The following GPC6 variants were observed in gnomAD, a reference collection of about 807,000 sequenced individuals.
GPC6 encodes the protein glypican 6.
GPC6 carries 14 observed loss-of-function variants against 55.2 expected under a neutral mutation model. The ratio of observed to expected loss-of-function variants is 0.25; its 90% CI spans 0.17 to 0.40. The LOEUF (loss-of-function observed/expected upper bound fraction) is 0.40, where lower values mean the gene tolerates loss of function less well. Ranked by LOEUF, GPC6 falls within the 10% of genes least tolerant of loss-of-function variation. The probability of loss-of-function intolerance (pLI) is 1.00; values close to 1 mark genes in which losing one functional copy is unlikely to be tolerated. For synonymous variants in GPC6, 278 were observed against 259.6 expected (o/e 1.07, Z -0.68); for missense variants, 641 against 708.5 (o/e 0.90, Z 1.08).
intron 6 of GPC6, among the ~76,000 whole-genome samples, chr13:94,315,970 C>CTTTA (rs958478798): frequency 2.1e-5 from 3 of 139,638 alleles, no homozygotes; most frequent in Admixed American, 7.0e-5. Flanking sequence ...CATCAGCCAT[C>CTTTA]TTTAGTGTTA....
intron 4 of GPC6, among the ~76,000 whole-genome samples, chr13:94,189,425 A>C (rs1175516172): frequency 6.6e-6 from 1 of 152,120 alleles, no homozygotes; most frequent in South Asian, 2.1e-4. Context: ...CATGCTCCCC[A>C]CCCTGGGATG....
intron 1 of GPC6, among the ~76,000 whole-genome samples, chr13:93,316,464 C>G (rs1401468774): frequency 6.6e-6 from 1 of 151,910 alleles, no homozygotes; most frequent in Non-Finnish European, 1.5e-5. Context: ...CAGGAGAACA[C>G]ATGAACAAAT....
At chr13:93,326,444 A>ACACACG (rs141012826) in intron 1 of GPC6, among the ~76,000 whole-genome samples, 21,114 of 151,844 alleles carry the variant, frequency 0.14, 1,682 homozygotes, top group East Asian at 0.41. Flanking sequence ...CTCTGGCTAC[A>ACACACG]CACACGCACA....
chr13:93,558,913 C>T (rs1354044468), intron 2 of GPC6, among the ~76,000 whole-genome samples: 1 of 152,094 alleles, frequency 6.6e-6, no homozygotes, highest in Non-Finnish European at 1.5e-5. Context: ...AAACAGTGTG[C>T]TCCTGAGAGT....
At chr13:93,500,377 C>G (rs1349022962) in intron 1 of GPC6, among the ~76,000 whole-genome samples, 1 of 152,106 alleles carries the variant, frequency 6.6e-6, no homozygotes, top group Non-Finnish European at 1.5e-5. Context: ...AAATTTAGAG[C>G]TTCAGATCGT....
At chr13:93,605,377 T>A (rs1878194158) in intron 2 of GPC6, among the ~76,000 whole-genome samples, 1 of 152,212 alleles carries the variant, frequency 6.6e-6, no homozygotes, top group East Asian at 1.9e-4. Flanking sequence ...TACCAACAGA[T>A]GAATAGTTAT....
At chr13:93,878,001 G>C (rs958203307) in intron 3 of GPC6, among the ~76,000 whole-genome samples, 4 of 152,010 alleles carry the variant, frequency 2.6e-5, no homozygotes, top group Admixed American at 6.6e-5. Context: ...ACATTTTAAA[G>C]TTATCTGGTA....
chr13:93,402,882 G>T (rs1297093300), intron 1 of GPC6, among the ~76,000 whole-genome samples: 1 of 151,926 alleles, frequency 6.6e-6, no homozygotes, highest in Non-Finnish European at 1.5e-5. Context: ...TCAGACACTT[G>T]GATAAGACTA....
intron 6 of GPC6, among the ~76,000 whole-genome samples, chr13:94,374,320 A>G (rs1007754283): frequency 3.3e-5 from 5 of 151,462 alleles, no homozygotes; most frequent in Admixed American, 1.3e-4. Flanking sequence ...CAGGAAACCC[A>G]TCTCACGTGC....
intron 2 of GPC6, among the ~76,000 whole-genome samples, chr13:93,739,995 C>T (rs184124368): frequency 7.2e-5 from 11 of 152,250 alleles, no homozygotes; most frequent in African/African-American, 2.6e-4. Flanking sequence ...GAGAAGGCTT[C>T]ACTGAATTGG....
At chr13:94,350,040 G>GAA (rs1878463470) in intron 6 of GPC6, among the ~76,000 whole-genome samples, 1 of 150,348 alleles carries the variant, frequency 6.7e-6, no homozygotes, top group Admixed American at 6.6e-5. Context: ...GATGTGCAAA[G>GAA]AAAAAATATA....
At chr13:93,278,981 A>G (rs1043773147) in intron 1 of GPC6, among the ~76,000 whole-genome samples, 2 of 152,246 alleles carry the variant, frequency 1.3e-5, no homozygotes, top group Non-Finnish European at 2.9e-5. Flanking sequence ...CTTATTTTAA[A>G]AAATCATAAT....
chr13:93,802,473 C>G (rs1054784134), intron 2 of GPC6, among the ~76,000 whole-genome samples: 3 of 151,930 alleles, frequency 2.0e-5, no homozygotes, highest in African/African-American at 7.3e-5. Context: ...TCATAACACA[C>G]TGCAACCTCA....
chr13:94,286,819 G>A (rs191453306), intron 5 of GPC6, among the ~76,000 whole-genome samples: 8 of 152,202 alleles, frequency 5.3e-5, no homozygotes, highest in South Asian at 2.1e-4. Flanking sequence ...GCACACCCTC[G>A]CCCTGTTCTC....
intron 1 of GPC6, among the ~76,000 whole-genome samples, chr13:93,461,191 G>A (rs116733729): frequency 6.6e-6 from 1 of 152,042 alleles, no homozygotes; most frequent in South Asian, 2.1e-4. Flanking sequence ...ACATATAGTA[G>A]TCTACAGCTT....
chr13:93,861,491 C>A (rs1390761407), intron 3 of GPC6, among the ~76,000 whole-genome samples: 2 of 151,182 alleles, frequency 1.3e-5, no homozygotes, highest in African/African-American at 2.4e-5. Flanking sequence ...AATGAGAAGA[C>A]AGCCACTGAA....
chr13:93,497,412 G>T (rs112195846), intron 1 of GPC6, among the ~76,000 whole-genome samples: 1 of 152,204 alleles, frequency 6.6e-6, no homozygotes, highest in African/African-American at 2.4e-5. Context: ...AGAAGCATCA[G>T]CGCTTCTTAC....
chr13:93,930,755 T>C (rs1566608944), intron 3 of GPC6, among the ~76,000 whole-genome samples: 2 of 151,950 alleles, frequency 1.3e-5, no homozygotes, highest in East Asian at 1.9e-4. Context: ...AGATTTAAGA[T>C]GGGCACAGAG....
At chr13:94,038,878 G>A (rs1386886986) in intron 4 of GPC6, among the ~76,000 whole-genome samples, 1 of 151,932 alleles carries the variant, frequency 6.6e-6, no homozygotes, top group African/African-American at 2.4e-5. Flanking sequence ...GGAAACCAGT[G>A]GAGAATTATC....
Sources: gnomAD v4.1 joint callset for allele counts (sites outside exome capture counted in the v4.1 genomes callset) on GRCh38, gnomAD v4.1.1 for gene constraint, MANE v1.5 for transcripts, NCBI Gene and HGNC (gene_info 2026-07-23, HGNC 2026-07-21) for gene names.